The following LTBP2 variants were observed in gnomAD, a reference collection of about 807,000 sequenced individuals.
The protein encoded by LTBP2 is latent transforming growth factor beta binding protein 2.
In LTBP2, 103 loss-of-function variants were observed where a neutral mutation model predicts 210.6. The observed-to-expected ratio is 0.49, with a 90% CI of 0.42 to 0.58. The LOEUF is 0.58. Among genes scored for constraint, LTBP2 ranks in the 20% least tolerant of loss-of-function variants. LTBP2 has a pLI of 0.00. For synonymous variants in LTBP2, 1,007 were observed against 1,015.0 expected, an observed-to-expected ratio of 0.99 and a Z score of 0.15; for missense variants, 2,313 against 2,494.5, an observed-to-expected ratio of 0.93 and a Z score of 1.55.
In LTBP2 at chr14:74,537,841, A is replaced by C. The variant is rs532918481; in HGVS notation, c.1790-1841T>G. ...GTGACCTCGGCTCACTGCAACCTCCACTTCCTGGGTTCAAGTAATTCTCCT... is the reference window on the plus strand; with the variant it reads ...GTGACCTCGGCTCACTGCAACCTCCCCTTCCTGGGTTCAAGTAATTCTCCT... On this transcript the variant is annotated intron_variant, in intron 8 of 35. Transcript: ENST00000261978. Among the ~76,000 whole-genome samples the C allele has an allele frequency of 2.0e-5, 3 of 152,032 alleles. No individual in the cohort carries two copies. The East Asian group carries it at 5.8e-4, about 29-fold the overall frequency.
rs771810542 is a variant in LTBP2 at position 74,509,355 on chromosome 14, C to T, written c.3286G>A (p.Glu1096Lys). ...EDGTACEDLD[E>K]CAFPGVCPSG... Reference sequence around the variant, plus strand: ...GGGCAGACTCCCGGGAAGGCACACTCATCTAGGTCTGCAGACAGACAGCGC... The same window carrying T: ...GGGCAGACTCCCGGGAAGGCACACTTATCTAGGTCTGCAGACAGACAGCGC... Residue 1096 changes from glutamate (E) to lysine (K), a missense_variant, in exon 22 of 36, where the codon GAG (glutamate) becomes AAG (lysine). This residue lies in a region of LTBP2 where 1,867 missense variants were observed against 1,976.9 expected (regional missense o/e 0.94). Transcript: ENST00000261978. 2 of 1,613,448 alleles carry T rather than the reference C, an allele frequency of 1.2e-6. No individual in the cohort carries two copies. The highest frequency in any genetic ancestry group is 1.3e-5 in the African/African-American group (1 of 75,044).
In LTBP2 at chr14:74,511,324, C is replaced by T; in HGVS notation, c.2949G>A (p.Gly983=). Residue 983 remains glycine, a synonymous_variant, in exon 19 of 36, where the codon GGG becomes GGA. Coordinates refer to ENST00000261978, the MANE Select transcript of LTBP2 (RefSeq NM_000428.3). ...ECRHPGTCPD[G]RCVNSPGSYT... ...AGGAGCCAGGGGAATTGACGCATCTCCCATCAGGGCAGGTACCGGGGTGAC... is the reference window on the plus strand; with the variant it reads ...AGGAGCCAGGGGAATTGACGCATCTTCCATCAGGGCAGGTACCGGGGTGAC... 6.2e-7 allele frequency: 1 copy of T among 1,614,150 alleles called. No individual in the cohort carries two copies. Among genetic ancestry groups the T allele is most frequent in the Non-Finnish European group, 8.5e-7 (1 of 1,180,036 alleles).
intron 8 of LTBP2, among the ~76,000 whole-genome samples, chr14:74,542,701 A>G (rs1265228282): frequency 2.6e-5 from 4 of 151,832 alleles, no homozygotes; most frequent in African/African-American, 4.8e-5. Context: ...CCAGACCCAC[A>G]TCTAATCCCA....
At chr14:74,523,436 T>A (rs1338925772) in intron 15 of LTBP2, among the ~76,000 whole-genome samples, 1 of 150,418 alleles carries the variant, frequency 6.6e-6, no homozygotes, top group African/African-American at 2.5e-5. Flanking sequence ...AAGGTGGGGG[T>A]GGGTCAGAGC....
chr14:74,598,074 A>G (rs541508688), intron 2 of LTBP2, among the ~76,000 whole-genome samples: 2 of 152,392 alleles, frequency 1.3e-5, no homozygotes, highest in East Asian at 3.9e-4. Flanking sequence ...AAACTGAGGC[A>G]GAACCATCAA....
Position 74,611,919 on chromosome 14 carries a change from C to T in LTBP2, c.26G>A (p.Ser9Asn). 1 of 1,591,036 alleles carries T rather than the reference C, an allele frequency of 6.3e-7. No homozygotes were observed. The highest frequency in any genetic ancestry group is 8.5e-7 in the Non-Finnish European group (1 of 1,172,460). Residue 9 changes from serine to asparagine, a missense_variant, in exon 1 of 36, where the codon AGC (serine) becomes AAC (asparagine). Around this residue, in one of 3 missense-constraint regions of LTBP2, gnomAD observed 1,867 missense variants for 1,976.9 expected, o/e 0.94. Transcript: ENST00000261978. ...GGGGTTCCGCAGGGCGCGCCCCGGGCTGCGGGCTTTGGTCCGCGGCCTCAT... is the reference window on the plus strand; with the variant it reads ...GGGGTTCCGCAGGGCGCGCCCCGGGTTGCGGGCTTTGGTCCGCGGCCTCAT... MRPRTKARSPGRALRNPWR... is the reference protein window; with the variant it reads MRPRTKARNPGRALRNPWR...
chr14:74,511,208 G>C (rs758225054), intron 19 of LTBP2, 37 bp downstream of exon 19: 15 of 1,612,812 alleles, frequency 9.3e-6, no homozygotes, highest in Middle Eastern at 1.7e-4. Flanking sequence ...TCCCAAGGCC[G>C]AATGGCTGGC....
chr14:74,586,949 C>T lies in LTBP2; in HGVS notation c.566-831G>A, dbSNP rs1015246151. 5.9e-5 allele frequency among the ~76,000 whole-genome samples: 9 copies of T among 152,172 alleles called. No homozygotes were observed. The South Asian group carries it at 6.2e-4, about 10-fold the overall frequency. On this transcript the variant is annotated intron_variant, in intron 2 of 35. Transcript: ENST00000261978. This position sits in a 1 kb window ranked among gnomAD's most constrained non-coding sequence, Gnocchi z 4.6. Reference sequence around the variant, plus strand: ...CTGCCTCCTGGGCTGTGGGTCCAGCCGGAGGCAAGGTGGAGCTGAAACCAG... The same window carrying T: ...CTGCCTCCTGGGCTGTGGGTCCAGCTGGAGGCAAGGTGGAGCTGAAACCAG...
At position 74,552,311 on chromosome 14, in the gene LTBP2, C is replaced by T. The variant is rs780515689; in HGVS notation, c.1275G>A (p.Lys425=). The change falls in exon 6 of 36, where the codon AAG becomes AAA. Residue 425 remains lysine (K), a synonymous_variant. Transcript: ENST00000261978. ...ECWCPANSTG[K]FCHLPIPQPD... ...GCTGCGGGATAGGCAGGTGGCAGAACTTCCCGGTGGAGTTGGCGGGGCACC... is the reference window on the plus strand; with the variant it reads ...GCTGCGGGATAGGCAGGTGGCAGAATTTCCCGGTGGAGTTGGCGGGGCACC... 6.2e-7 allele frequency: 1 copy of T among 1,613,038 alleles called. No individual in the cohort carries two copies. Among genetic ancestry groups the T allele is most frequent in the African/African-American group, 1.3e-5 (1 of 75,066 alleles).
intron 12 of LTBP2, 38 bp from the exon 13 acceptor site, chr14:74,527,404 G>A (rs2096842092): frequency 6.3e-7 from 1 of 1,598,448 alleles, no homozygotes; most frequent in African/African-American, 1.3e-5. Flanking sequence ...TCAGGGAGGA[G>A]GGTCTGGCTG....
chr14:74,541,881 T>C (rs540414525), intron 8 of LTBP2, among the ~76,000 whole-genome samples: 1 of 152,208 alleles, frequency 6.6e-6, no homozygotes, highest in African/African-American at 2.4e-5. Flanking sequence ...GGAAATGGTG[T>C]AGAACTCATC....
intron 26 of LTBP2, 102 bp from the exon 27 acceptor site, chr14:74,506,925 T>C: frequency 1.3e-6 from 2 of 1,568,774 alleles, no homozygotes; most frequent in South Asian, 2.3e-5. Flanking sequence ...GCACACTCTC[T>C]CGTTCTCTGC....
At chr14:74,567,363 G>A (rs565023857) in intron 3 of LTBP2, among the ~76,000 whole-genome samples, 5 of 152,190 alleles carry the variant, frequency 3.3e-5, no homozygotes, top group Admixed American at 1.3e-4. Flanking sequence ...GAGATCCTGC[G>A]CGGCCTTTGT....
intron 17 of LTBP2, among the ~76,000 whole-genome samples, chr14:74,517,828 G>A (rs1017364372): frequency 3.6e-4 from 55 of 152,222 alleles, no homozygotes; most frequent in African/African-American, 1.3e-3. Flanking sequence ...CCCCACTCAC[G>A]CCCCTCCACT....
In LTBP2 at chr14:74,508,678, A is replaced by G. The variant is rs1240814289; in HGVS notation, c.3578T>C (p.Leu1193Pro). Residue 1193 changes from leucine to proline, a missense_variant, in exon 24 of 36, where the codon CTC becomes CCC. Physicochemically the swap from Leu to Pro is moderately conservative, Grantham distance 98. Transcript: ENST00000261978. Reference sequence around the variant, plus strand: ...ACAGAAGAAAGACCCGTGGCTGTTGAGGCACTCGCCGTGGGGTGCGCAGTG... The same window carrying G: ...ACAGAAGAAAGACCCGTGGCTGTTGGGGCACTCGCCGTGGGGTGCGCAGTG... ...EEHCAPHGECLNSHGSFFCLC... is the reference protein window; with the variant it reads ...EEHCAPHGECPNSHGSFFCLC... 1 of 1,613,514 alleles carries G rather than the reference A, an allele frequency of 6.2e-7. No homozygotes were observed. Among genetic ancestry groups the G allele is most frequent in the Non-Finnish European group, 8.5e-7 (1 of 1,179,994 alleles).
intron 28 of LTBP2, among the ~76,000 whole-genome samples, chr14:74,505,759 G>C (rs1566613548): frequency 6.6e-6 from 1 of 152,118 alleles, no homozygotes; most frequent in Non-Finnish European, 1.5e-5. Flanking sequence ...ATGGATTCAG[G>C]GTCCCTCCAA....
intron 28 of LTBP2, among the ~76,000 whole-genome samples, chr14:74,505,690 A>G (rs2086973551): frequency 6.6e-6 from 1 of 151,970 alleles, no homozygotes. Context: ...TGGGAAAGGG[A>G]GAGCCCGGTT....
intron 10 of LTBP2, among the ~76,000 whole-genome samples, chr14:74,529,974 G>A (rs527766331): frequency 3.9e-5 from 6 of 152,272 alleles, no homozygotes; most frequent in East Asian, 3.9e-4. Context: ...GGCCCAGGAC[G>A]CAGCAGACCA....
At chr14:74,536,426 G>A (rs1320107478) in intron 8 of LTBP2, among the ~76,000 whole-genome samples, 3 of 152,182 alleles carry the variant, frequency 2.0e-5, no homozygotes, top group Admixed American at 6.5e-5. Context: ...TAATAACAGT[G>A]TCTTGTATTC....
Sources: gnomAD v4.1 joint callset for allele counts (sites outside exome capture counted in the v4.1 genomes callset) on GRCh38, gnomAD v4.1.1 for gene constraint, gnomAD v4.1.1 regional missense constraint, Gnocchi (gnomAD v3.1) non-coding constraint, MANE v1.5 for transcripts, NCBI Gene and HGNC (gene_info 2026-07-23, HGNC 2026-07-21) for gene names.